HDAC9: variants seen among roughly 807,000 people sequenced by gnomAD.
The protein encoded by HDAC9 is MEF-2 interacting transcription repressor (MITR) protein.
Under a neutral mutation model 139.4 loss-of-function variants are expected in HDAC9, and 41 were observed. The ratio of observed to expected loss-of-function variants is 0.29; its 90% CI spans 0.23 to 0.38. HDAC9 has a LOEUF of 0.38. Ranked by LOEUF, HDAC9 falls within the 10% of genes least tolerant of loss-of-function variation. HDAC9 has a pLI of 1.00. For synonymous variants in HDAC9, 517 were observed against 476.2 expected, an observed-to-expected ratio of 1.09 and a Z score of -1.12; for missense variants, 1,147 against 1,297.0, an observed-to-expected ratio of 0.88 and a Z score of 1.78.
At chr7:18,957,507 C>G (rs1242714862) in intron 24 of HDAC9, among the ~76,000 whole-genome samples, 1 of 152,114 alleles carries the variant, frequency 6.6e-6, no homozygotes, top group Non-Finnish European at 1.5e-5. Flanking sequence ...CTCCAGGACC[C>G]TAATTGTGTT....
At chr7:18,178,088 CT>C (rs1253045680) in intron 2 of HDAC9, among the ~76,000 whole-genome samples, 4 of 151,330 alleles carry the variant, frequency 2.6e-5, no homozygotes, top group South Asian at 2.1e-4. Context: ...CTCCCCTCCC[CT>C]CCCCTCTCCT....
intron 1 of HDAC9, among the ~76,000 whole-genome samples, chr7:18,446,404 A>G (rs1275485553): frequency 1.1e-4 from 17 of 152,224 alleles, no homozygotes; most frequent in Admixed American, 1.0e-3. Flanking sequence ...AGTGTTGAGC[A>G]TAGATTTGAC....
chr7:18,272,795 G>T (rs1414301904), intron 2 of HDAC9, among the ~76,000 whole-genome samples: 1 of 151,930 alleles, frequency 6.6e-6, no homozygotes, highest in East Asian at 1.9e-4. Context: ...TTTTTAAATA[G>T]AATTTGACAA....
chr7:18,166,776 C>T (rs1207215899), intron 2 of HDAC9, among the ~76,000 whole-genome samples: 2 of 152,146 alleles, frequency 1.3e-5, no homozygotes, highest in African/African-American at 4.8e-5. Flanking sequence ...GCATTACCCA[C>T]AGTGGTGCCA....
chr7:18,736,528 G>A (rs1194534588), intron 13 of HDAC9, among the ~76,000 whole-genome samples: 3 of 152,176 alleles, frequency 2.0e-5, no homozygotes, highest in African/African-American at 4.8e-5. Flanking sequence ...TTATGTGATG[G>A]ATTACGTTTA....
chr7:18,949,025 G>T, intron 23 of HDAC9: 2 of 411,014 alleles, frequency 4.9e-6, no homozygotes, highest in Middle Eastern at 9.3e-4. Flanking sequence ...TTGTGTACTT[G>T]CTTGCATTTT....
chr7:18,734,320 G>C (rs995905297), intron 13 of HDAC9, among the ~76,000 whole-genome samples: 1 of 152,108 alleles, frequency 6.6e-6, no homozygotes, highest in African/African-American at 2.4e-5. Flanking sequence ...ATGTTGGTTT[G>C]CCGTACCCAT....
intron 1 of HDAC9, among the ~76,000 whole-genome samples, chr7:18,132,290 G>C (rs185024600): frequency 6.6e-6 from 1 of 152,216 alleles, no homozygotes; most frequent in East Asian, 1.9e-4. Flanking sequence ...CTACATTCAA[G>C]GTGTTTAGAA....
At chr7:18,427,657 T>A (rs1207983888) in intron 1 of HDAC9, among the ~76,000 whole-genome samples, 5 of 151,532 alleles carry the variant, frequency 3.3e-5, no homozygotes, top group Non-Finnish European at 7.4e-5. Flanking sequence ...CCCCTTCCCC[T>A]CCACCTCTCA....
intron 2 of HDAC9, among the ~76,000 whole-genome samples, chr7:18,197,253 T>A (rs560333407): frequency 6.6e-6 from 1 of 152,260 alleles, no homozygotes; most frequent in Admixed American, 6.5e-5. Context: ...TCTTTCTCTC[T>A]TTCTCTGGAG....
At chr7:18,486,259 T>C (rs148774558) in intron 1 of HDAC9, among the ~76,000 whole-genome samples, 45 of 152,144 alleles carry the variant, frequency 3.0e-4, no homozygotes, top group Non-Finnish European at 5.1e-4. Flanking sequence ...ACCAGTTATA[T>C]AGTTCTGTTT....
intron 19 of HDAC9, among the ~76,000 whole-genome samples, chr7:18,834,054 G>C (rs1796050334): frequency 6.6e-6 from 1 of 152,156 alleles, no homozygotes; most frequent in Non-Finnish European, 1.5e-5. Context: ...TCAAGACCCA[G>C]TCTTGCAACT....
chr7:18,581,319 C>G (rs1253737096), intron 2 of HDAC9, among the ~76,000 whole-genome samples: 2 of 152,060 alleles, frequency 1.3e-5, no homozygotes, highest in East Asian at 3.9e-4. Context: ...TATTTATAAT[C>G]AAGAGCAGTT....
At chr7:18,768,982 T>G (rs746675285) in intron 16 of HDAC9, among the ~76,000 whole-genome samples, 27 of 152,198 alleles carry the variant, frequency 1.8e-4, no homozygotes, top group Non-Finnish European at 2.8e-4. Context: ...ACATAAATGT[T>G]TGGCATGAAT....
intron 17 of HDAC9, among the ~76,000 whole-genome samples, chr7:18,811,091 C>G (rs1209028715): frequency 6.6e-6 from 1 of 151,604 alleles, no homozygotes; most frequent in Admixed American, 6.6e-5. Context: ...TTTGTGGAAT[C>G]TGTAATGTCA....
intron 25 of HDAC9, among the ~76,000 whole-genome samples, chr7:18,977,012 C>G (rs1045685332): frequency 3.9e-5 from 6 of 152,148 alleles, no homozygotes; most frequent in African/African-American, 1.2e-4. Context: ...GATTTAACAT[C>G]TTGTTTTGGC....
In HDAC9 at chr7:18,648,623, G is replaced by A; in HGVS notation, c.1407G>A (p.Gln469=). ...QSTLAQLVIQ[Q]QHQQFLEKQK... is the part of the protein sequence containing the mutation. Reference sequence around the variant, plus strand: ...CGTTGGCTCAGCTGGTCATTCAACAGCAACACCAGCAATTCTTGGAGAAGC... The same window carrying A: ...CGTTGGCTCAGCTGGTCATTCAACAACAACACCAGCAATTCTTGGAGAAGC... The change falls in exon 11 of 26, where the codon CAG becomes CAA. Residue 469 remains glutamine (Q), a synonymous_variant. Coordinates refer to ENST00000686413, the MANE Select transcript of HDAC9 (RefSeq NM_178425.4). 1 of 1,613,410 alleles carries A rather than the reference G, an allele frequency of 6.2e-7. No individual in the cohort carries two copies. The highest frequency in any genetic ancestry group is 8.5e-7 in the Non-Finnish European group (1 of 1,179,666).
At chr7:18,793,485 C>A in intron 17 of HDAC9, 33 bp downstream of exon 17, 1 of 1,331,540 alleles carries the variant, frequency 7.5e-7, no homozygotes, top group South Asian at 1.3e-5. Context: ...TGTGGGAAAT[C>A]CAGAGAAGAA....
At chr7:18,267,252 G>A (rs1268134259) in intron 2 of HDAC9, among the ~76,000 whole-genome samples, 3 of 152,042 alleles carry the variant, frequency 2.0e-5, no homozygotes, top group Non-Finnish European at 4.4e-5. Flanking sequence ...GCTAAGTTGA[G>A]ATAATTAATT....
Sources: gnomAD v4.1 joint callset for allele counts (sites outside exome capture counted in the v4.1 genomes callset) on GRCh38, gnomAD v4.1.1 for gene constraint, MANE v1.5 for transcripts, NCBI Gene and HGNC (gene_info 2026-07-23, HGNC 2026-07-21) for gene names.